The following HOOK3 variants were observed in gnomAD, a reference collection of about 807,000 sequenced individuals.
HOOK3 encodes hook microtubule tethering protein 3, also known as protein Hook homolog 3.
A neutral mutation model predicts 116.3 loss-of-function variants in HOOK3; 24 were observed. The ratio of observed to expected loss-of-function variants is 0.21; its 90% CI spans 0.15 to 0.29. The LOEUF (loss-of-function observed/expected upper bound fraction) is 0.29. Ranked by LOEUF, HOOK3 falls within the 10% of genes least tolerant of loss-of-function variation. The pLI, the probability that HOOK3 is intolerant of heterozygous loss-of-function variation, is 1.00. For synonymous variants in HOOK3, 275 were observed against 283.0 expected (o/e 0.97, Z 0.28); for missense variants, 632 against 830.2 (o/e 0.76, Z 2.93).
At chr8:42,982,581 A>G (rs1808972927) in intron 13 of HOOK3, 46 bp from the exon 14 acceptor site, 3 of 1,321,370 alleles carry the variant, frequency 2.3e-6, no homozygotes, top group Non-Finnish European at 3.3e-6. Flanking sequence ...AAAGTTGTGT[A>G]ACTGTGTTTT....
At chr8:42,979,185 T>C (rs888051587) in intron 13 of HOOK3, among the ~76,000 whole-genome samples, 3 of 152,074 alleles carry the variant, frequency 2.0e-5, no homozygotes, top group Non-Finnish European at 4.4e-5. Flanking sequence ...GATGGGAGGA[T>C]CACTTGAGCC....
chr8:43,009,867 T>C (rs1586633356), intron 18 of HOOK3, among the ~76,000 whole-genome samples: 1 of 152,208 alleles, frequency 6.6e-6, no homozygotes, highest in Non-Finnish European at 1.5e-5. Context: ...ATTTTCTGTC[T>C]CTGAATTTGA....
chr8:42,907,560 G>A (rs1807334832), intron 2 of HOOK3, among the ~76,000 whole-genome samples: 1 of 152,010 alleles, frequency 6.6e-6, no homozygotes, highest in Non-Finnish European at 1.5e-5. Context: ...CTTTCCCATT[G>A]TCTAGAACGT....
rs528558509 is a variant in HOOK3, at chr8:43,027,015, C to T, written c.*8517C>T. ...CAAGTGATTCTCCCACCTCAGCCTCCCGAGTAGTTAGGATTACAGGTGCCC... is the reference window on the plus strand; with the variant it reads ...CAAGTGATTCTCCCACCTCAGCCTCTCGAGTAGTTAGGATTACAGGTGCCC... On this transcript the variant is annotated 3_prime_UTR_variant, in exon 22 of 22. Transcript: ENST00000307602. 29 of 180,900 alleles carry T rather than the reference C, an allele frequency of 1.6e-4. 1 individual carries two copies. The East Asian group carries it at 2.7e-3, about 17-fold the overall frequency. 11.2% of individuals were successfully genotyped at this position (180,900 alleles called of 1,614,324 possible). A position where few individuals can be genotyped will look rare whatever the true frequency, so the allele number is the denominator to read the frequency against.
At chr8:43,011,146 C>G (rs890064369) in intron 19 of HOOK3, among the ~76,000 whole-genome samples, 25 of 152,046 alleles carry the variant, frequency 1.6e-4, no homozygotes, top group Non-Finnish European at 3.4e-4. Context: ...GCGCCTGCCA[C>G]CACACTCGGC....
At chr8:42,983,679 T>C (rs1808995438) in intron 14 of HOOK3, among the ~76,000 whole-genome samples, 1 of 152,154 alleles carries the variant, frequency 6.6e-6, no homozygotes, top group Admixed American at 6.6e-5. Context: ...TTTGCCATGT[T>C]TCCCAGGCTG....
chr8:43,001,247 T>C (rs971939119), intron 16 of HOOK3, among the ~76,000 whole-genome samples: 4 of 152,114 alleles, frequency 2.6e-5, no homozygotes, highest in African/African-American at 7.2e-5. Flanking sequence ...TGAAGTATTA[T>C]AGAGCTGTGT....
chr8:42,975,166 T>A (rs1238991367), intron 13 of HOOK3, among the ~76,000 whole-genome samples: 3 of 152,118 alleles, frequency 2.0e-5, no homozygotes. Context: ...AGCCCGCCTG[T>A]TTCCTAACAA....
intron 4 of HOOK3, among the ~76,000 whole-genome samples, chr8:42,938,697 CTTTTA>C (rs1364532725): frequency 3.5e-5 from 5 of 142,504 alleles, no homozygotes; most frequent in East Asian, 1.9e-4. Flanking sequence ...AAATGCTTTT[CTTTTA>C]TTTATTTATT....
intron 17 of HOOK3, among the ~76,000 whole-genome samples, 193 bp from the exon 18 acceptor site, chr8:43,007,654 A>G (rs1279099785): frequency 6.6e-6 from 1 of 152,158 alleles, no homozygotes. Context: ...TTTTTCAAAC[A>G]GAGGAATTTT....
intron 17 of HOOK3, among the ~76,000 whole-genome samples, chr8:43,004,554 G>A (rs752522488): frequency 2.0e-5 from 3 of 150,736 alleles, no homozygotes; most frequent in Non-Finnish European, 4.4e-5. Flanking sequence ...GGTGGCGCAT[G>A]CCTGTAATCC....
intron 16 of HOOK3, among the ~76,000 whole-genome samples, chr8:42,998,477 TAG>T (rs1473925929): frequency 2.6e-5 from 4 of 152,298 alleles, no homozygotes; most frequent in African/African-American, 9.6e-5. Flanking sequence ...TTTCCATTGA[TAG>T]AGTCATTTTG....
chr8:42,974,762 A>C (rs925645445), intron 13 of HOOK3, among the ~76,000 whole-genome samples: 16 of 152,198 alleles, frequency 1.1e-4, no homozygotes, highest in Admixed American at 9.2e-4. Flanking sequence ...AATGCGCAAA[A>C]AGGGGAAGAG....
chr8:43,001,413 CAAAAT>C lies in HOOK3; in HGVS notation c.1621-693_1621-689del, dbSNP rs142657842. 3.2e-3 allele frequency among the ~76,000 whole-genome samples: 481 copies of C among 152,054 alleles called. 8 individuals are homozygous for C. The highest frequency in any genetic ancestry group is 0.011 in the African/African-American group (460 of 41,476). On this transcript the variant is annotated intron_variant, in intron 16 of 21. Transcript: ENST00000307602. ...GAATTAATTATATAACCATTTATCT[CAAAAT>C]GAAATGTTCCATAAAATTTATTAAT...
intron 2 of HOOK3, among the ~76,000 whole-genome samples, chr8:42,914,688 A>G (rs1807496472): frequency 6.6e-6 from 1 of 152,196 alleles, no homozygotes; most frequent in African/African-American, 2.4e-5. Flanking sequence ...GTTTGACAAT[A>G]CCACAACTCT....
rs371624455 is a variant in HOOK3 at position 42,974,223 on chromosome 8, A to G, written c.1321+29A>G. 9 of 1,509,756 alleles carry G rather than the reference A, an allele frequency of 6.0e-6. No individual in the cohort carries two copies. In the African/African-American group the frequency reaches 1.1e-4, roughly 18 times the overall value. The allele number at this position is 1,509,756 out of a possible 1,614,324, so 93.5% of individuals were successfully genotyped here. ...AAAACGTTTTGCGAGTACAAACCAGATGATTTCTTTTTTTTTTGAGACGGG... is the reference window on the plus strand; with the variant it reads ...AAAACGTTTTGCGAGTACAAACCAGGTGATTTCTTTTTTTTTTGAGACGGG... On this transcript the variant is annotated intron_variant, in intron 13 of 21. Coordinates refer to ENST00000307602, the MANE Select transcript of HOOK3 (RefSeq NM_032410.4).
chr8:42,939,731 C>A (rs1340946376), intron 4 of HOOK3, among the ~76,000 whole-genome samples: 2 of 144,744 alleles, frequency 1.4e-5, no homozygotes, highest in Non-Finnish European at 1.5e-5. Context: ...TCAGACGGGG[C>A]GGCTGCCGGG....
At chr8:43,010,239 T>A in intron 18 of HOOK3, 66 bp from the exon 19 acceptor site, 1 of 322,452 alleles carries the variant, frequency 3.1e-6, no homozygotes, top group Non-Finnish European at 5.0e-6. Flanking sequence ...AAAATAAATT[T>A]ATTTATATTA....
intron 13 of HOOK3, among the ~76,000 whole-genome samples, chr8:42,976,538 A>G (rs571054035): frequency 2.0e-5 from 3 of 152,258 alleles, no homozygotes; most frequent in Admixed American, 6.5e-5. Flanking sequence ...CAATTTGGTA[A>G]GGATGACAGA....
Sources: allele counts gnomAD v4.1 joint callset (sites outside exome capture counted in the v4.1 genomes callset), GRCh38; gene constraint gnomAD v4.1.1; transcripts MANE v1.5; gene names NCBI Gene and HGNC (gene_info 2026-07-23, HGNC 2026-07-21).